RB1CC1: variants seen among roughly 807,000 people sequenced by gnomAD.
RB1CC1 encodes RB1-inducible coiled-coil protein 1.
Under a neutral mutation model 177.5 loss-of-function variants are expected in RB1CC1, and 46 were observed. The observed-to-expected ratio is 0.26, with a 90% CI of 0.20 to 0.33. RB1CC1 has a LOEUF of 0.33. RB1CC1 is among the 10% of genes least tolerant of loss of function. RB1CC1 has a pLI of 1.00. For synonymous variants in RB1CC1, 666 were observed against 613.6 expected (o/e 1.09, Z -1.26); for missense variants, 1,703 against 1,816.3 (o/e 0.94, Z 1.13).
At chr8:52,634,214 C>G (rs1343755170) in intron 20 of RB1CC1, among the ~76,000 whole-genome samples, 1 of 152,046 alleles carries the variant, frequency 6.6e-6, no homozygotes, top group East Asian at 1.9e-4. Context: ...CAGGCACTTT[C>G]ACTTAAAAAT....
chr8:52,700,294 C>G (rs1443250062), intron 1 of RB1CC1, among the ~76,000 whole-genome samples: 1 of 151,876 alleles, frequency 6.6e-6, no homozygotes, highest in African/African-American at 2.4e-5. Context: ...GAGGCCAAGG[C>G]AGGTGGATTG....
At position 52,656,489 on chromosome 8, in the gene RB1CC1, T is replaced by A; in HGVS notation, c.3340A>T (p.Asn1114Tyr). ...AAGCCCACCTGATAATTTTCATTAT[T>A]ATCCTGAATCTTTTGGTTGAGTTTA... is the stretch of plus-strand genomic sequence containing the variant. ...ISKLNQKIQD[N>Y]NENYQVGLAE... The change falls in exon 15 of 24, where the codon AAT becomes TAT. Residue 1114 changes from asparagine (N) to tyrosine (Y), a missense_variant. By Grantham distance (143) the Asn-to-Tyr change is moderately radical (BLOSUM62 -2). Around this residue, in one of 6 missense-constraint regions of RB1CC1, gnomAD observed 1,169 missense variants for 1,184.7 expected, o/e 0.99. Transcript: ENST00000025008. 1.9e-6 allele frequency: 3 copies of A among 1,611,346 alleles called. No homozygotes were observed. Among genetic ancestry groups the A allele is most frequent in the Non-Finnish European group, 2.5e-6 (3 of 1,179,720 alleles).
intron 1 of RB1CC1, among the ~76,000 whole-genome samples, chr8:52,697,083 T>C (rs1054450470): frequency 2.0e-5 from 3 of 152,142 alleles, no homozygotes; most frequent in Non-Finnish European, 2.9e-5. Flanking sequence ...GCGATTCAAC[T>C]GGACACAGCC....
At chr8:52,633,645 G>A (rs1745200415) in intron 20 of RB1CC1, among the ~76,000 whole-genome samples, 1 of 152,282 alleles carries the variant, frequency 6.6e-6, no homozygotes, top group South Asian at 2.1e-4. Context: ...CTGAACAGAA[G>A]CCTTAAACTG....
intron 1 of RB1CC1, among the ~76,000 whole-genome samples, chr8:52,693,204 T>C (rs1259611870): frequency 6.6e-6 from 1 of 152,144 alleles, no homozygotes; most frequent in Admixed American, 6.5e-5. Context: ...ATTCAGGACA[T>C]AGGCACAGCA....
At chr8:52,695,345 A>G (rs1300297587) in intron 1 of RB1CC1, among the ~76,000 whole-genome samples, 20 of 152,270 alleles carry the variant, frequency 1.3e-4, no homozygotes, top group Admixed American at 1.3e-3. Context: ...CACAACAGGC[A>G]GTGAAAAATT....
At chr8:52,626,485 T>C (rs1335750333) in intron 22 of RB1CC1, among the ~76,000 whole-genome samples, 4 of 152,190 alleles carry the variant, frequency 2.6e-5, no homozygotes, top group Admixed American at 1.3e-4. Flanking sequence ...ATTTATATCT[T>C]AGATACATAC....
At chr8:52,672,518 G>C (rs769811668) in intron 7 of RB1CC1, among the ~76,000 whole-genome samples, 1 of 152,178 alleles carries the variant, frequency 6.6e-6, no homozygotes, top group African/African-American at 2.4e-5. Context: ...TGAGGCAAGA[G>C]AACTGCTTGA....
In RB1CC1 at chr8:52,714,252, A is replaced by C. The variant is rs569018459; in HGVS notation, c.-344T>G. The stretch of plus-strand genomic sequence containing the variant: ...GCCGCGGCCCCGAACTCTAGGAGGC[A>C]GGGAGGGGTCCGGGCGGACAAGGAC... On this transcript the variant is annotated 5_prime_UTR_variant, in exon 1 of 24. Coordinates refer to ENST00000025008, the MANE Select transcript of RB1CC1 (RefSeq NM_014781.5). 1 of 212,066 alleles carries C rather than the reference A, an allele frequency of 4.7e-6. No homozygotes were observed. The highest frequency in any genetic ancestry group is 1.0e-5 in the Non-Finnish European group (1 of 100,336). 13.1% of individuals were successfully genotyped at this position (212,066 alleles called of 1,614,324 possible).
intron 1 of RB1CC1, among the ~76,000 whole-genome samples, chr8:52,688,923 G>A (rs990772855): frequency 6.6e-6 from 1 of 152,120 alleles, no homozygotes; most frequent in Non-Finnish European, 1.5e-5. Flanking sequence ...ATTGGGGGTG[G>A]GTTCCCCCAA....
chr8:52,624,908 T>A, intron 22 of RB1CC1, 121 bp from the exon 23 acceptor site: 1 of 662,524 alleles, frequency 1.5e-6, no homozygotes, highest in African/African-American at 1.9e-5. Context: ...TATGTAAGAC[T>A]TTAAAAACTA....
At chr8:52,652,309 A>G (rs947733841) in intron 15 of RB1CC1, among the ~76,000 whole-genome samples, 1 of 152,066 alleles carries the variant, frequency 6.6e-6, no homozygotes, top group East Asian at 1.9e-4. Flanking sequence ...TACTAAAAAT[A>G]CAACAAATTA....
intron 22 of RB1CC1, 44 bp from the exon 23 acceptor site, chr8:52,624,831 T>C (rs1329788538): frequency 1.5e-6 from 2 of 1,315,290 alleles, no homozygotes; most frequent in Non-Finnish European, 2.1e-6. Flanking sequence ...AGTATGATTA[T>C]AATTATTCAT....
chr8:52,656,254 CT>C lies in RB1CC1; in HGVS notation c.3574del (p.Arg1192AspfsTer39). 1 of 1,613,070 alleles carries C rather than the reference CT, an allele frequency of 6.2e-7. No homozygotes were observed. The highest frequency in any genetic ancestry group is 8.5e-7 in the Non-Finnish European group (1 of 1,179,720). On this transcript the variant is annotated frameshift_variant, in exon 15 of 24. Transcript: ENST00000025008. LOFTEE classifies it high-confidence loss of function. ...TTGGGTAATTTTTTCATCTTTTTGT[CT>C]TTCAAGAGCACTCAATTCTGAATCC... Reference protein sequence around the residue: ...KLDSELSALERQKDEKITQQE... With the variant: ...KLDSELSALEXQKDEKITQQE...
chr8:52,710,728 G>A (rs182676629), intron 1 of RB1CC1, among the ~76,000 whole-genome samples: 120 of 152,026 alleles, frequency 7.9e-4, no homozygotes, highest in African/African-American at 2.1e-3. Flanking sequence ...AGCAAATATA[G>A]AATTATATAA....
At chr8:52,686,571 C>T (rs1418493259) in intron 2 of RB1CC1, among the ~76,000 whole-genome samples, 1 of 151,926 alleles carries the variant, frequency 6.6e-6, no homozygotes, top group African/African-American at 2.4e-5. Flanking sequence ...AGAAAAAAAA[C>T]TTAAAATAAT....
rs192788361 is a variant in RB1CC1 at position 52,693,704 on chromosome 8, C to A, written c.-166-6737G>T. The stretch of plus-strand genomic sequence containing the variant: ...GAGGCAGAAATACCATTTAACCCAG[C>A]AATCCTGTTACTGATGAGAACATAT... On this transcript the variant is annotated intron_variant, in intron 1 of 23. Transcript: ENST00000025008. 9.9e-5 allele frequency among the ~76,000 whole-genome samples: 15 copies of A among 152,156 alleles called. No individual in the cohort carries two copies. In the East Asian group the frequency reaches 1.7e-3, roughly 18 times the overall value.
chr8:52,691,465 A>G (rs978969091), intron 1 of RB1CC1, among the ~76,000 whole-genome samples: 1 of 152,246 alleles, frequency 6.6e-6, no homozygotes, highest in East Asian at 1.9e-4. Flanking sequence ...TTGATGAACA[A>G]TTTAAACTAT....
intron 5 of RB1CC1, among the ~76,000 whole-genome samples, chr8:52,676,776 AAG>A (rs1278805830): frequency 6.6e-6 from 1 of 152,204 alleles, no homozygotes; most frequent in Non-Finnish European, 1.5e-5. Flanking sequence ...CAGGTATCCT[AAG>A]AGACAGTCAA....
Sources: gnomAD v4.1 joint callset for allele counts (sites outside exome capture counted in the v4.1 genomes callset) on GRCh38, gnomAD v4.1.1 for gene constraint, gnomAD v4.1.1 regional missense constraint, MANE v1.5 for transcripts, NCBI Gene and HGNC (gene_info 2026-07-23, HGNC 2026-07-21) for gene names.